TMEM129: variants seen among roughly 807,000 people sequenced by gnomAD.
TMEM129 encodes E3 ubiquitin-protein ligase TM129.
TMEM129 carries 35 observed loss-of-function variants against 34.1 expected under a neutral mutation model. The observed-to-expected ratio is 1.03, with a 90% CI of 0.78 to 1.36. The LOEUF is 1.36. Ranked by LOEUF, TMEM129 falls within the 40% of genes most tolerant of loss-of-function variation. TMEM129 has a pLI of 0.00. For synonymous variants in TMEM129, 239 were observed against 217.3 expected (o/e 1.10, Z -0.88); for missense variants, 504 against 512.6 (o/e 0.98, Z 0.16).
intron 1 of TMEM129, 161 bp from the exon 2 acceptor site, chr4:1,718,787 G>A (rs1717121955): frequency 1.1e-5 from 15 of 1,407,178 alleles, no homozygotes; most frequent in Non-Finnish European, 1.4e-5. Flanking sequence ...CTCTCTCCCT[G>A]CCTGTGGCAA....
At chr4:1,718,089 C>T in intron 2 of TMEM129, 63 bp downstream of exon 2, 3 of 1,423,868 alleles carry the variant, frequency 2.1e-6, no homozygotes, top group South Asian at 1.4e-5. Flanking sequence ...GGGGTCGTGG[C>T]ACCAGAGCCT....
Position 1,719,002 on chromosome 4 carries a change from G to C in TMEM129, c.206-376C>G, listed in dbSNP as rs562103998. The C allele has an allele frequency of 3.1e-6, 4 of 1,276,664 alleles. No individual in the cohort carries two copies. The East Asian group carries it at 1.5e-4, about 49-fold the overall frequency. The allele number at this position is 1,276,664 out of a possible 1,614,324, so 79.1% of individuals were successfully genotyped here. A position where few individuals can be genotyped will look rare whatever the true frequency, so the allele number is the denominator to read the frequency against. ...CAATCTCACCCGCTCTGAGGAGGCT[G>C]ATCAAATGTGGTGCATCCCAGAGCT... On this transcript the variant is annotated intron_variant, in intron 1 of 3. Coordinates refer to ENST00000382936, the MANE Select transcript of TMEM129 (RefSeq NM_001127266.2).
rs370645041 is a variant in TMEM129 at position 1,719,091 on chromosome 4, G to A, written c.206-465C>T. The A allele has an allele frequency of 1.2e-4, 152 of 1,275,414 alleles. 1 individual carries two copies. The highest frequency in any genetic ancestry group is 1.4e-4 in the Non-Finnish European group (135 of 975,652). The allele number at this position is 1,275,414 out of a possible 1,614,324, so 79.0% of individuals were successfully genotyped here. A position where few individuals can be genotyped will look rare whatever the true frequency, so the allele number is the denominator to read the frequency against. On this transcript the variant is annotated intron_variant, in intron 1 of 3. Coordinates refer to ENST00000382936, the MANE Select transcript of TMEM129 (RefSeq NM_001127266.2). Reference sequence around the variant, plus strand: ...ATGATGGGACATGTCCAGAGGACACGGAGCCAGCTTCAGGGCCCTGCTGGC... The same window carrying A: ...ATGATGGGACATGTCCAGAGGACACAGAGCCAGCTTCAGGGCCCTGCTGGC...
Position 1,717,305 on chromosome 4 carries a change from A to C in TMEM129, c.964T>G (p.Cys322Gly). 1 of 1,534,544 alleles carries C rather than the reference A, an allele frequency of 6.5e-7. No homozygotes were observed. Among genetic ancestry groups the C allele is most frequent in the East Asian group, 2.5e-5 (1 of 40,434 alleles). ...CYCRPMWCLT[C>G]MGKWFASRQD... is the part of the protein sequence containing the mutation. ...CGGCTGGCGAACCACTTGCCCATGC[A>C]GGTGAGGCACCACATGGGGCGGCAG... The change falls in exon 4 of 4, where the codon TGC (cysteine) becomes GGC (glycine). Residue 322 changes from cysteine (C) to glycine (G), a missense_variant. By Grantham distance (159) the Cys-to-Gly change is radical. Coordinates refer to ENST00000382936, the MANE Select transcript of TMEM129 (RefSeq NM_001127266.2).
At chr4:1,718,072 C>A in intron 2 of TMEM129, 80 bp downstream of exon 2, 1 of 1,327,578 alleles carries the variant, frequency 7.5e-7, no homozygotes, top group Non-Finnish European at 1.0e-6. Flanking sequence ...ACACCCAGCA[C>A]CTCCCAGGGG....
intron 2 of TMEM129, 160 bp downstream of exon 2, chr4:1,717,992 G>A: frequency 1.4e-6 from 1 of 732,218 alleles, no homozygotes. Flanking sequence ...GGAGGGCTCA[G>A]TGACTGGTGT....
rs2108673349 is a variant in TMEM129 at position 1,717,157 on chromosome 4, G to A, written c.*23C>T. On this transcript the variant is annotated 3_prime_UTR_variant, in exon 4 of 4. Coordinates refer to ENST00000382936, the MANE Select transcript of TMEM129 (RefSeq NM_001127266.2). ...CTGTGGCTTTGGGGGGAGACACAGA[G>A]TCACCTCAAGGCCCCAGCCCACTCA... 7.1e-7 allele frequency: 1 copy of A among 1,414,600 alleles called. No homozygotes were observed. The highest frequency in any genetic ancestry group is 9.2e-7 in the Non-Finnish European group (1 of 1,082,934). 87.6% of individuals were successfully genotyped at this position (1,414,600 alleles called of 1,614,324 possible). A position where few individuals can be genotyped will look rare whatever the true frequency, so the allele number is the denominator to read the frequency against.
At position 1,718,888 on chromosome 4, in the gene TMEM129, A is replaced by G. The variant is rs1209451906; in HGVS notation, c.206-262T>C. ...TTGAAAAAACTACAAAAGCCTAGAA[A>G]GGGAAAAATAAACACAATCAGGTGT... is the stretch of plus-strand genomic sequence containing the variant. On this transcript the variant is annotated intron_variant, in intron 1 of 3. Transcript: ENST00000382936. 3.0e-6 allele frequency: 4 copies of G among 1,353,730 alleles called. No individual in the cohort carries two copies. In the African/African-American group the frequency reaches 4.4e-5, roughly 15 times the overall value. The allele number at this position is 1,353,730 out of a possible 1,614,324, so 83.9% of individuals were successfully genotyped here.
At chr4:1,717,907 G>A in intron 2 of TMEM129, 1 of 686,282 alleles carries the variant, frequency 1.5e-6, no homozygotes, top group Non-Finnish European at 2.4e-6. Flanking sequence ...TGCTCCCCAA[G>A]AATCTGGGGG....
At position 1,718,575 on chromosome 4, in the gene TMEM129, A is replaced by G; in HGVS notation, c.257T>C (p.Leu86Pro). Residue 86 changes from leucine to proline, a missense_variant, in exon 2 of 4, where the codon CTC becomes CCC. Transcript: ENST00000382936. ...LAASEKRLHA[L>P]SQAPEAWRLF... ...CCGCCAGGCCTCAGGGGCCTGGCTGAGGGCGTGGAGCCGCTTTTCTGAAGC... is the reference window on the plus strand; with the variant it reads ...CCGCCAGGCCTCAGGGGCCTGGCTGGGGGCGTGGAGCCGCTTTTCTGAAGC... 1 of 1,470,168 alleles carries G rather than the reference A, an allele frequency of 6.8e-7. No individual in the cohort carries two copies. Among genetic ancestry groups the G allele is most frequent in the Non-Finnish European group, 9.0e-7 (1 of 1,109,402 alleles). The allele number at this position is 1,470,168 out of a possible 1,614,324, so 91.1% of individuals were successfully genotyped here.
At chr4:1,717,906 A>G in intron 2 of TMEM129, 1 of 690,562 alleles carries the variant, frequency 1.4e-6, no homozygotes, top group South Asian at 2.0e-5. Context: ...GTGCTCCCCA[A>G]GAATCTGGGG....
At position 1,718,330 on chromosome 4, in the gene TMEM129, C is replaced by T. The variant is rs1010712370; in HGVS notation, c.502G>A (p.Asp168Asn). 1.7e-5 allele frequency: 28 copies of T among 1,613,454 alleles called. No individual in the cohort carries two copies. Among genetic ancestry groups the T allele is most frequent in the Non-Finnish European group, 2.3e-5 (27 of 1,179,950 alleles). ...GAPGARVIVT[D>N]TWVMKVTTYR... ...GTGGTTACCTTCATCACCCACGTGT[C>T]TGTCACAATCACACGGGCACCTGGT... Residue 168 changes from aspartate to asparagine, a missense_variant, in exon 2 of 4, where the codon GAC becomes AAC. By Grantham distance (23) the Asp-to-Asn change is conservative. Coordinates refer to ENST00000382936, the MANE Select transcript of TMEM129 (RefSeq NM_001127266.2).
intron 2 of TMEM129, 142 bp from the exon 3 acceptor site, chr4:1,717,817 G>C: frequency 8.1e-7 from 1 of 1,236,428 alleles, no homozygotes; most frequent in Non-Finnish European, 1.1e-6. Flanking sequence ...CACGGACCCA[G>C]TGCCAGACAG....
At position 1,719,386 on chromosome 4, in the gene TMEM129, TAAA is replaced by T. The variant is rs3836608; in HGVS notation, c.206-763_206-761del. On this transcript the variant is annotated intron_variant, in intron 1 of 3. Transcript: ENST00000382936. ...TAACACGGTGAAACCCCATCTCCAC[TAAA>T]AAATACAAAAAATTAGCCGGGCGTG... is the stretch of plus-strand genomic sequence containing the variant. 2.6e-3 allele frequency among the ~76,000 whole-genome samples: 401 copies of T among 151,968 alleles called. 2 individuals are homozygous for T. The highest frequency in any genetic ancestry group is 8.8e-3 in the African/African-American group (366 of 41,432).
chr4:1,719,171 C>T (rs1717143173), intron 1 of TMEM129: 1 of 676,018 alleles, frequency 1.5e-6, no homozygotes, highest in Admixed American at 2.3e-5. Flanking sequence ...TGAGGAGTTG[C>T]ACCAGCAGGT....
In TMEM129 at chr4:1,718,627, C is replaced by G. The variant is rs749731052; in HGVS notation, c.206-1G>C. ...GCAAGGCACATGCCCACATAGTAGC[C>G]TGCAAAGGACAGGGTGAGCCTCAGG... is the stretch of plus-strand genomic sequence containing the variant. On this transcript the variant is annotated splice_acceptor_variant, in intron 1 of 3. Coordinates refer to ENST00000382936, the MANE Select transcript of TMEM129 (RefSeq NM_001127266.2). LOFTEE classifies it high-confidence loss of function. 15 of 1,449,232 alleles carry G rather than the reference C, an allele frequency of 1.0e-5. No homozygotes were observed. Among genetic ancestry groups the G allele is most frequent in the Non-Finnish European group, 1.4e-5 (15 of 1,100,042 alleles). 89.8% of individuals were successfully genotyped at this position (1,449,232 alleles called of 1,614,324 possible). A position where few individuals can be genotyped will look rare whatever the true frequency, so the allele number is the denominator to read the frequency against.
chr4:1,716,988 G>C lies in TMEM129; in HGVS notation c.*192C>G, dbSNP rs184283527. ...GGACTTGTACCCTGGCTGCCAAGCA[G>C]GGTGGGGTGTTTTCATGAGGATTGC... On this transcript the variant is annotated 3_prime_UTR_variant, in exon 4 of 4. Transcript: ENST00000382936. 1.5e-3 allele frequency: 940 copies of C among 631,692 alleles called. 6 individuals carry two copies. The African/African-American group carries it at 0.016, about 11-fold the overall frequency. 39.1% of individuals were successfully genotyped at this position (631,692 alleles called of 1,614,324 possible). A position where few individuals can be genotyped will look rare whatever the true frequency, so the allele number is the denominator to read the frequency against.
chr4:1,718,017 G>T (rs920534183), intron 2 of TMEM129, 135 bp downstream of exon 2: 1 of 840,242 alleles, frequency 1.2e-6, no homozygotes, highest in South Asian at 1.8e-5. Flanking sequence ...TGGACACCTT[G>T]CCTGGTGTCA....
rs961733003 is a variant in TMEM129 at position 1,720,662 on chromosome 4, G to T, written c.176C>A (p.Thr59Lys). Residue 59 changes from threonine (T) to lysine (K), a missense_variant, in exon 1 of 4, where the codon ACG (threonine) becomes AAG (lysine). Thr to Lys is a moderately conservative substitution (Grantham distance 78). Transcript: ENST00000382936. The surrounding 1 kb of genome is among the most constrained non-coding windows in gnomAD (Gnocchi z 4.4). ...CGGCAGCAGCGAGTGGCACAACAGC[G>T]TGGCGGCCGTGCGGCGCAAGTGGAA... is the stretch of plus-strand genomic sequence containing the variant. ...VPFHLRRTAA[T>K]LLCHSLLPLG... 2.6e-6 allele frequency: 4 copies of T among 1,546,650 alleles called. No homozygotes were observed. The highest frequency in any genetic ancestry group is 3.9e-5 in the Admixed American group (2 of 51,084).
Sources: gnomAD v4.1 joint callset for allele counts (sites outside exome capture counted in the v4.1 genomes callset) on GRCh38, gnomAD v4.1.1 for gene constraint, Gnocchi (gnomAD v3.1) non-coding constraint, MANE v1.5 for transcripts, NCBI Gene and HGNC (gene_info 2026-07-23, HGNC 2026-07-21) for gene names.